The following ERI3 variants were observed in gnomAD, a reference collection of about 807,000 sequenced individuals.
The protein encoded by ERI3 is ERI1 exoribonuclease 3.
A neutral mutation model predicts 44.4 loss-of-function variants in ERI3; 18 were observed. The ratio of observed to expected loss-of-function variants is 0.41; its 90% confidence interval spans 0.28 to 0.60. The LOEUF (loss-of-function observed/expected upper bound fraction) is 0.60, where lower values mean the gene tolerates loss of function less well. Among genes scored for constraint, ERI3 ranks in the 20% least tolerant of loss-of-function variants. The probability of loss-of-function intolerance (pLI) is 0.36; values close to 1 mark genes in which losing one functional copy is unlikely to be tolerated. For missense variants in ERI3, 294 were observed against 435.5 expected (o/e 0.68, Z 2.89); for synonymous variants, 183 against 164.8 (o/e 1.11, Z -0.84).
At chr1:44,301,564 C>G (rs1423276849) in intron 6 of ERI3, among the ~76,000 whole-genome samples, 4 of 152,222 alleles carry the variant, frequency 2.6e-5, no homozygotes, top group Non-Finnish European at 5.9e-5. Flanking sequence ...TCTCAGACCT[C>G]AGGCCATCCC....
chr1:44,334,671 A>C (rs963963997), intron 3 of ERI3, among the ~76,000 whole-genome samples: 2 of 152,198 alleles, frequency 1.3e-5, no homozygotes, highest in Non-Finnish European at 2.9e-5. Flanking sequence ...GAGTGCAAAA[A>C]CCAGAACACC....
chr1:44,221,925 G>A lies in ERI3; in HGVS notation c.932-285C>T, dbSNP rs1381032348. Among the ~76,000 whole-genome samples, 1 of 152,206 alleles carries A rather than the reference G, an allele frequency of 6.6e-6. No homozygotes were observed. The highest frequency in any genetic ancestry group is 2.1e-4 in the South Asian group (1 of 4,834). On this transcript the variant is annotated intron_variant, in intron 8 of 8. Transcript: ENST00000372257. The surrounding 1 kb of genome is among the most constrained non-coding windows in gnomAD (Gnocchi z 5.9). The stretch of plus-strand genomic sequence containing the variant: ...CCAGCGGTGATGTATGGGCGCCGTC[G>A]CAGTAAGAAAAAGGCAGAGTAAATG...
chr1:44,354,488 G>A (rs896425065), intron 1 of ERI3: 13 of 985,266 alleles, frequency 1.3e-5, no homozygotes, highest in African/African-American at 5.2e-5. Context: ...CAGAAAGCTA[G>A]CCAGGTTAGG....
intron 7 of ERI3, among the ~76,000 whole-genome samples, chr1:44,275,633 C>T (rs1645166338): frequency 6.6e-6 from 1 of 152,194 alleles, no homozygotes; most frequent in Admixed American, 6.5e-5. Flanking sequence ...TGGTCCTCAT[C>T]CAATCCTCTT....
At chr1:44,262,662 A>C (rs1389186732) in intron 7 of ERI3, among the ~76,000 whole-genome samples, 1 of 152,238 alleles carries the variant, frequency 6.6e-6, no homozygotes, top group Non-Finnish European at 1.5e-5. Flanking sequence ...TGCCCTGCCC[A>C]ATCCAGCCTA....
In ERI3 at chr1:44,252,118, G is replaced by A. The variant is rs1445095453; in HGVS notation, c.832-4080C>T. Among the ~76,000 whole-genome samples, 2 of 152,238 alleles carry A rather than the reference G, an allele frequency of 1.3e-5. No individual in the cohort carries two copies. The highest frequency in any genetic ancestry group is 2.9e-5 in the Non-Finnish European group (2 of 68,038). On this transcript the variant is annotated intron_variant, in intron 7 of 8. Coordinates refer to ENST00000372257, the MANE Select transcript of ERI3 (RefSeq NM_024066.3). This position sits in a 1 kb window ranked among gnomAD's most constrained non-coding sequence, Gnocchi z 4.7. ...CTGGGGTTCCCAGACAGAGGGTGGG[G>A]CAGGTAGGAAGATGACTGAGGTGCT... is the stretch of plus-strand genomic sequence containing the variant.
intron 8 of ERI3, among the ~76,000 whole-genome samples, chr1:44,244,690 A>AT (rs1644516532): frequency 6.6e-6 from 1 of 151,796 alleles, no homozygotes; most frequent in African/African-American, 2.4e-5. Flanking sequence ...CCTACAAACT[A>AT]TGAGCATCCT....
At chr1:44,310,222 C>A (rs1645924339) in intron 5 of ERI3, among the ~76,000 whole-genome samples, 1 of 152,122 alleles carries the variant, frequency 6.6e-6, no homozygotes. Context: ...CTACCTTTCA[C>A]AGGGAAAGGA....
In ERI3 at chr1:44,228,234, C is replaced by T. The variant is rs1185748501; in HGVS notation, c.932-6594G>A. 6.6e-6 allele frequency among the ~76,000 whole-genome samples: 1 copy of T among 152,136 alleles called. No homozygotes were observed. The highest frequency in any genetic ancestry group is 2.4e-5 in the African/African-American group (1 of 41,408). On this transcript the variant is annotated intron_variant, in intron 8 of 8. Coordinates refer to ENST00000372257, the MANE Select transcript of ERI3 (RefSeq NM_024066.3). This position sits in a 1 kb window ranked among gnomAD's most constrained non-coding sequence, Gnocchi z 4.3. ...AAGTGACCCCTTCTTTCAGCCCCTC[C>T]CCTCAGCCCCCTCCACCCCACCGAG...
chr1:44,294,863 A>G (rs1645578846), intron 6 of ERI3, among the ~76,000 whole-genome samples: 1 of 152,084 alleles, frequency 6.6e-6, no homozygotes, highest in Non-Finnish European at 1.5e-5. Flanking sequence ...GGCCATCTTG[A>G]CCCTATGCCT....
intron 2 of ERI3, among the ~76,000 whole-genome samples, chr1:44,341,266 C>A (rs1255761617): frequency 2.6e-5 from 4 of 152,206 alleles, no homozygotes; most frequent in Non-Finnish European, 1.5e-5. Flanking sequence ...AACAATAGCA[C>A]CTACTCCTTA....
At chr1:44,236,432 A>G (rs1314726266) in intron 8 of ERI3, among the ~76,000 whole-genome samples, 3 of 152,188 alleles carry the variant, frequency 2.0e-5, no homozygotes, top group African/African-American at 7.2e-5. Flanking sequence ...TGGGGAGAGC[A>G]GGGTGCTGAG....
At chr1:44,226,941 A>G (rs1161082028) in intron 8 of ERI3, among the ~76,000 whole-genome samples, 5 of 152,042 alleles carry the variant, frequency 3.3e-5, no homozygotes, top group African/African-American at 4.8e-5. Context: ...CTAATAGCCA[A>G]TTGTCCTACC....
At chr1:44,323,607 G>A (rs1646247517) in intron 3 of ERI3, among the ~76,000 whole-genome samples, 1 of 152,204 alleles carries the variant, frequency 6.6e-6, no homozygotes, top group Admixed American at 6.5e-5. Context: ...AGAGGAGCTG[G>A]CCTCCAGTGC....
chr1:44,286,300 G>A (rs1303165157), intron 6 of ERI3, among the ~76,000 whole-genome samples: 9 of 152,178 alleles, frequency 5.9e-5, no homozygotes, highest in Non-Finnish European at 1.2e-4. Context: ...ATGAGTTTGG[G>A]AATGCAGTTT....
At position 44,240,220 on chromosome 1, in the gene ERI3, C is replaced by T. The variant is rs564821812; in HGVS notation, c.931+7719G>A. On this transcript the variant is annotated intron_variant, in intron 8 of 8. Transcript: ENST00000372257. ...TGGGTACATTCTGTCCTCTGTGTGTCCTTCTTGCTACAGCCCAACTGTCTC... is the reference window on the plus strand; with the variant it reads ...TGGGTACATTCTGTCCTCTGTGTGTTCTTCTTGCTACAGCCCAACTGTCTC... Among the ~76,000 whole-genome samples, 5 of 152,352 alleles carry T rather than the reference C, an allele frequency of 3.3e-5. No individual in the cohort carries two copies. The South Asian group carries it at 1.0e-3, about 32-fold the overall frequency.
chr1:44,283,380 A>G (rs1425820155), intron 7 of ERI3, among the ~76,000 whole-genome samples: 3 of 152,208 alleles, frequency 2.0e-5, no homozygotes, highest in African/African-American at 7.2e-5. Context: ...ATTCAGTTTC[A>G]ACTGAGATAA....
intron 6 of ERI3, among the ~76,000 whole-genome samples, chr1:44,306,722 T>C (rs950953065): frequency 6.6e-6 from 1 of 152,226 alleles, no homozygotes; most frequent in Non-Finnish European, 1.5e-5. Flanking sequence ...TAGAAGATTC[T>C]GAAATGTCTG....
In ERI3 at chr1:44,221,965, T is replaced by C. The variant is rs1192296726; in HGVS notation, c.932-325A>G. ...CAGAGTAAATGTGTAATTTCTCCCT[T>C]GACGGCCCCCGGCCGCTGGGCGATC... On this transcript the variant is annotated intron_variant, in intron 8 of 8. Coordinates refer to ENST00000372257, the MANE Select transcript of ERI3 (RefSeq NM_024066.3). This position sits in a 1 kb window ranked among gnomAD's most constrained non-coding sequence, Gnocchi z 5.9. Among the ~76,000 whole-genome samples the C allele has an allele frequency of 1.3e-5, 2 of 152,246 alleles. No individual in the cohort carries two copies. Among genetic ancestry groups the C allele is most frequent in the Non-Finnish European group, 2.9e-5 (2 of 68,046 alleles).
Sources: allele counts gnomAD v4.1 joint callset (sites outside exome capture counted in the v4.1 genomes callset), GRCh38; gene constraint gnomAD v4.1.1; non-coding constraint Gnocchi (gnomAD v3.1); transcripts MANE v1.5; gene names NCBI Gene and HGNC (gene_info 2026-07-23, HGNC 2026-07-21).